QSOX1: variants seen among roughly 807,000 people sequenced by gnomAD.
The protein encoded by QSOX1 is quiescin sulfhydryl oxidase 1.
A neutral mutation model predicts 76.1 loss-of-function variants in QSOX1; 40 were observed. The observed-to-expected ratio is 0.53, with a 90% CI of 0.41 to 0.68. QSOX1 has a LOEUF of 0.68. QSOX1 is among the 30% of genes least tolerant of loss of function. The pLI is 0.00. For missense variants in QSOX1, 931 were observed against 974.3 expected, an observed-to-expected ratio of 0.96 and a Z score of 0.59; for synonymous variants, 392 against 413.1, an observed-to-expected ratio of 0.95 and a Z score of 0.62.
At position 180,199,469 on chromosome 1, in the gene QSOX1, CAG is replaced by C. The variant is rs1306421572; in HGVS notation, c.*2433_*2434del. The C allele has an allele frequency of 6.6e-6, 1 of 152,078 alleles. No homozygotes were observed. The highest frequency in any genetic ancestry group is 1.5e-5 in the Non-Finnish European group (1 of 68,040). The allele number at this position is 152,078 out of a possible 1,614,324, so 9.4% of individuals were successfully genotyped here. On this transcript the variant is annotated 3_prime_UTR_variant, in exon 12 of 12. Transcript: ENST00000367602. ...CACAGGAACAATTTCCTCAAGGAGA[CAG>C]TGGCATGGAGCTTTGAAAGACGAGT...
chr1:180,184,816 A>G (rs1396976853), intron 7 of QSOX1, among the ~76,000 whole-genome samples: 3 of 152,220 alleles, frequency 2.0e-5, no homozygotes, highest in South Asian at 2.1e-4. Context: ...GCATCCTAGC[A>G]TGAGGGACTT....
chr1:180,179,784 C>CT (rs1160365423), intron 5 of QSOX1, among the ~76,000 whole-genome samples: 5 of 152,244 alleles, frequency 3.3e-5, no homozygotes, highest in Admixed American at 1.3e-4. Context: ...AGCTGAGAGT[C>CT]TGAGCTGAAG....
Position 180,198,390 on chromosome 1 carries a change from G to T in QSOX1, c.*1353G>T, listed in dbSNP as rs1360315180. The T allele has an allele frequency of 6.6e-6, 3 of 456,758 alleles. No individual in the cohort carries two copies. Among genetic ancestry groups the T allele is most frequent in the Middle Eastern group, 3.3e-4 (1 of 3,076 alleles). 28.3% of individuals were successfully genotyped at this position (456,758 alleles called of 1,614,324 possible). ...GCTGCAGGGTTGGCCACTCGGTGGG[G>T]AGGAGTCAGCCAGGATTAGAGAGCC... On this transcript the variant is annotated 3_prime_UTR_variant, in exon 12 of 12. Transcript: ENST00000367602.
chr1:180,157,792 A>G (rs539888399), intron 1 of QSOX1, among the ~76,000 whole-genome samples: 1 of 152,206 alleles, frequency 6.6e-6, no homozygotes, highest in African/African-American at 2.4e-5. Context: ...TGGCTAATCA[A>G]TCAGCAAATA....
chr1:180,161,695 C>T (rs892585695), intron 1 of QSOX1, among the ~76,000 whole-genome samples: 1 of 152,118 alleles, frequency 6.6e-6, no homozygotes, highest in Non-Finnish European at 1.5e-5. Context: ...ATCTGGACAA[C>T]AAAACATTAA....
In QSOX1 at chr1:180,185,922, G is replaced by A. The variant is rs981488891; in HGVS notation, c.888-131G>A. The A allele has an allele frequency of 2.7e-6, 3 of 1,129,486 alleles. No individual in the cohort carries two copies. In the African/African-American group the frequency reaches 4.6e-5, roughly 17 times the overall value. The allele number at this position is 1,129,486 out of a possible 1,614,324, so 70.0% of individuals were successfully genotyped here. The stretch of plus-strand genomic sequence containing the variant: ...CAGCACATTTCTGGCAGAAGCCAGT[G>A]GTAACTTACAAGACTCTGTGACCAT... On this transcript the variant is annotated intron_variant, in intron 7 of 11. Coordinates refer to ENST00000367602, the MANE Select transcript of QSOX1 (RefSeq NM_002826.5).
At chr1:180,184,206 A>C (rs993975179) in intron 7 of QSOX1, among the ~76,000 whole-genome samples, 156 bp downstream of exon 7, 2 of 152,200 alleles carry the variant, frequency 1.3e-5, no homozygotes, top group Non-Finnish European at 2.9e-5. Context: ...GGGTCTGGCC[A>C]TGCTCAGGGA....
chr1:180,178,295 A>G (rs1662946857), intron 4 of QSOX1, among the ~76,000 whole-genome samples: 1 of 152,146 alleles, frequency 6.6e-6, no homozygotes, highest in African/African-American at 2.4e-5. Flanking sequence ...GCTGGAGTGC[A>G]ATGGTGCAAT....
intron 11 of QSOX1, among the ~76,000 whole-genome samples, chr1:180,195,636 C>A (rs527555592): frequency 6.6e-6 from 1 of 152,166 alleles, no homozygotes; most frequent in Admixed American, 6.5e-5. Context: ...GCAGCCCCAG[C>A]AGCATCCTGA....
In QSOX1 at chr1:180,197,851, A is replaced by C; in HGVS notation, c.*814A>C. The C allele has an allele frequency of 3.7e-6, 1 of 269,032 alleles. No individual in the cohort carries two copies. The highest frequency in any genetic ancestry group is 7.4e-6 in the Non-Finnish European group (1 of 135,282). The allele number at this position is 269,032 out of a possible 1,614,324, so 16.7% of individuals were successfully genotyped here. ...TTTTTTATTTTGGTCTCCAAGATGAATGCTCATCTTTGGAGGGTGCCAGGT... is the reference window on the plus strand; with the variant it reads ...TTTTTTATTTTGGTCTCCAAGATGACTGCTCATCTTTGGAGGGTGCCAGGT... On this transcript the variant is annotated 3_prime_UTR_variant, in exon 12 of 12. Coordinates refer to ENST00000367602, the MANE Select transcript of QSOX1 (RefSeq NM_002826.5).
Position 180,199,125 on chromosome 1 carries a change from C to T in QSOX1, c.*2088C>T, listed in dbSNP as rs1663576333. The stretch of plus-strand genomic sequence containing the variant: ...CTCACAGCTGCCTCTGGCAGCCAAG[C>T]CTCTTTTCGCCCGGCCCCAGCCCCT... On this transcript the variant is annotated 3_prime_UTR_variant, in exon 12 of 12. Coordinates refer to ENST00000367602, the MANE Select transcript of QSOX1 (RefSeq NM_002826.5). 6.6e-6 allele frequency: 1 copy of T among 152,390 alleles called. No homozygotes were observed. Among genetic ancestry groups the T allele is most frequent in the South Asian group, 2.1e-4 (1 of 4,842 alleles). 9.4% of individuals were successfully genotyped at this position (152,390 alleles called of 1,614,324 possible).
At chr1:180,188,527 G>A (rs1663229388) in intron 8 of QSOX1, among the ~76,000 whole-genome samples, 1 of 152,248 alleles carries the variant, frequency 6.6e-6, no homozygotes, top group Non-Finnish European at 1.5e-5. Flanking sequence ...AAATTTGTGT[G>A]TGAGTTCCAG....
intron 2 of QSOX1, among the ~76,000 whole-genome samples, chr1:180,168,025 C>T (rs1365334868): frequency 6.6e-6 from 1 of 152,234 alleles, no homozygotes; most frequent in Non-Finnish European, 1.5e-5. Flanking sequence ...ACTGCCCAGC[C>T]CCCAGGGGAG....
chr1:180,172,023 G>T (rs1662770283), intron 2 of QSOX1, among the ~76,000 whole-genome samples: 1 of 152,158 alleles, frequency 6.6e-6, no homozygotes, highest in Admixed American at 6.5e-5. Flanking sequence ...TTCAACTGAG[G>T]GTTGTGGGGA....
At chr1:180,187,002 C>CGCTTCGGGTTTGG (rs1393796350) in intron 8 of QSOX1, among the ~76,000 whole-genome samples, 1 of 152,202 alleles carries the variant, frequency 6.6e-6, no homozygotes, top group East Asian at 1.9e-4. Context: ...TGGCTCTGGG[C>CGCTTCGGGTTTGG]GCTTCGGGTT....
chr1:180,175,460 G>C, intron 3 of QSOX1, 94 bp downstream of exon 3: 1 of 1,357,480 alleles, frequency 7.4e-7, no homozygotes, highest in Non-Finnish European at 1.1e-6. Flanking sequence ...AGCCCTGGCA[G>C]TCGGCAGGGT....
chr1:180,175,242 A>G, intron 2 of QSOX1, 79 bp from the exon 3 acceptor site: 8 of 1,332,372 alleles, frequency 6.0e-6, no homozygotes, highest in South Asian at 5.9e-5. Context: ...ATAAGTAGGC[A>G]GATTTTCAGA....
chr1:180,156,520 C>T (rs971369010), intron 1 of QSOX1, among the ~76,000 whole-genome samples: 3 of 152,118 alleles, frequency 2.0e-5, no homozygotes, highest in Admixed American at 6.6e-5. Context: ...TCAGACTCAC[C>T]CTCCTCTTTT....
chr1:180,186,022 T>C, intron 7 of QSOX1, 31 bp from the exon 8 acceptor site: 1 of 1,611,838 alleles, frequency 6.2e-7, no homozygotes, highest in Non-Finnish European at 8.5e-7. Context: ...TTAATACTTC[T>C]TTCTCTCTCT....
Sources: gnomAD v4.1 joint callset for allele counts (sites outside exome capture counted in the v4.1 genomes callset) on GRCh38, gnomAD v4.1.1 for gene constraint, MANE v1.5 for transcripts, NCBI Gene and HGNC (gene_info 2026-07-23, HGNC 2026-07-21) for gene names.